The following TPH1 variants were observed in gnomAD, a reference collection of about 807,000 sequenced individuals.
TPH1 encodes tryptophan hydroxylase 1.
A neutral mutation model predicts 49.5 loss-of-function variants in TPH1; 37 were observed. The ratio of observed to expected loss-of-function variants is 0.75; its 90% confidence interval spans 0.58 to 0.98. The LOEUF is 0.98. TPH1 is among the 50% of genes least tolerant of loss of function. TPH1 has a pLI of 0.00. For missense variants in TPH1, 487 were observed against 523.6 expected, an observed-to-expected ratio of 0.93 and a Z score of 0.68; for synonymous variants, 160 against 182.1, an observed-to-expected ratio of 0.88 and a Z score of 0.98.
At chr11:18,024,804 C>T (rs542692083) in intron 8 of TPH1, among the ~76,000 whole-genome samples, 1 of 152,166 alleles carries the variant, frequency 6.6e-6, no homozygotes, top group Admixed American at 6.5e-5. Flanking sequence ...TTTCACGCTG[C>T]CTCCCTCACT....
Position 18,019,999 on chromosome 11 carries a change from TTAGAAA to T in TPH1, c.*986_*991del. 1 of 270,048 alleles carries T rather than the reference TTAGAAA, an allele frequency of 3.7e-6. No individual in the cohort carries two copies. The highest frequency in any genetic ancestry group is 7.3e-6 in the Non-Finnish European group (1 of 137,170). The allele number at this position is 270,048 out of a possible 1,614,324, so 16.7% of individuals were successfully genotyped here. On this transcript the variant is annotated 3_prime_UTR_variant, in exon 11 of 11. Coordinates refer to ENST00000682019, the MANE Select transcript of TPH1 (RefSeq NM_004179.3). ...TCTGTTTATGGCCTCACCTTATACC[TTAGAAA>T]TAAAGTACTCAGCACTGTTTTTTCT... is the stretch of plus-strand genomic sequence containing the variant.
intron 3 of TPH1, among the ~76,000 whole-genome samples, chr11:18,033,761 G>A (rs545283517): frequency 3.8e-4 from 58 of 152,248 alleles, no homozygotes; most frequent in Non-Finnish European, 1.8e-4. Context: ...TATTTTTGCC[G>A]ATGGAAAAGA....
Position 18,023,987 on chromosome 11 carries a change from C to T in TPH1, c.931-4G>A, listed in dbSNP as rs1854393471. 1 of 1,597,670 alleles carries T rather than the reference C, an allele frequency of 6.3e-7. No individual in the cohort carries two copies. Among genetic ancestry groups the T allele is most frequent in the Middle Eastern group, 1.7e-4 (1 of 6,022 alleles). On this transcript the variant is annotated splice_region_variant and splice_polypyrimidine_tract_variant and intron_variant, in intron 8 of 10. Coordinates refer to ENST00000682019, the MANE Select transcript of TPH1 (RefSeq NM_004179.3). Reference sequence around the variant, plus strand: ...ACTCCACAGTGAAAAAGTAGCACTGCAAAAGAACATCAATATTATTCTCAC... The same window carrying T: ...ACTCCACAGTGAAAAAGTAGCACTGTAAAAGAACATCAATATTATTCTCAC...
chr11:18,040,099 ATT>A (rs1848085241), intron 2 of TPH1, among the ~76,000 whole-genome samples: 2 of 149,438 alleles, frequency 1.3e-5, no homozygotes, highest in African/African-American at 4.9e-5. Context: ...ATGATTATAT[ATT>A]GATAAAATTT....
intron 3 of TPH1, among the ~76,000 whole-genome samples, chr11:18,035,320 T>A (rs1045567662): frequency 6.6e-6 from 1 of 152,260 alleles, no homozygotes; most frequent in Non-Finnish European, 1.5e-5. Context: ...AATTGAGAGA[T>A]AATCAATTAT....
chr11:18,034,248 A>T (rs1848022287), intron 3 of TPH1, among the ~76,000 whole-genome samples: 1 of 152,192 alleles, frequency 6.6e-6, no homozygotes, highest in South Asian at 2.1e-4. Context: ...TCTGCATTTT[A>T]CAGATGAGGT....
chr11:18,023,989 A>G lies in TPH1; in HGVS notation c.931-6T>C. The G allele has an allele frequency of 6.3e-7, 1 of 1,590,064 alleles. No homozygotes were observed. Among genetic ancestry groups the G allele is most frequent in the Non-Finnish European group, 8.6e-7 (1 of 1,158,750 alleles). ...TCCACAGTGAAAAAGTAGCACTGCA[A>G]AAGAACATCAATATTATTCTCACAC... is the stretch of plus-strand genomic sequence containing the variant. On this transcript the variant is annotated splice_region_variant and splice_polypyrimidine_tract_variant and intron_variant, in intron 8 of 10. Transcript: ENST00000682019.
At chr11:18,033,222 C>T (rs1205602344) in intron 4 of TPH1, 52 bp downstream of exon 4, 3 of 1,395,810 alleles carry the variant, frequency 2.1e-6, no homozygotes, top group African/African-American at 2.8e-5. Flanking sequence ...CACTGCACTC[C>T]AGTCTGGACA....
Position 18,029,206 on chromosome 11 carries a change from T to G in TPH1, c.626A>C (p.Asp209Ala). The G allele has an allele frequency of 1.9e-6, 3 of 1,613,858 alleles. No individual in the cohort carries two copies. Among genetic ancestry groups the G allele is most frequent in the African/African-American group, 1.3e-5 (1 of 74,992 alleles). Residue 209 changes from aspartate to alanine, a missense_variant, in exon 6 of 11, where the codon GAT becomes GCT. Physicochemically the swap from Asp to Ala is moderately radical, Grantham distance 126. Transcript: ENST00000682019. Reference protein sequence around the residue: ...LLSKYCGYREDNIPQLEDVSN... With the variant: ...LLSKYCGYREANIPQLEDVSN... Reference sequence around the variant, plus strand: ...GACATCTTCCAATTGTGGGATATTATCCTCCCGATATCCACAATATTTAGA... The same window carrying G: ...GACATCTTCCAATTGTGGGATATTAGCCTCCCGATATCCACAATATTTAGA...
chr11:18,021,910 A>G (rs1854367840), intron 10 of TPH1, among the ~76,000 whole-genome samples: 1 of 152,194 alleles, frequency 6.6e-6, no homozygotes, highest in African/African-American at 2.4e-5. Flanking sequence ...AATCCAACTC[A>G]TAATCCACCT....
At chr11:18,036,468 A>G (rs1378154151) in intron 2 of TPH1, among the ~76,000 whole-genome samples, 1 of 152,224 alleles carries the variant, frequency 6.6e-6, no homozygotes, top group African/African-American at 2.4e-5. Context: ...ATTCTCATAA[A>G]TAAAAGCTAG....
At chr11:18,044,139 T>C (rs1848120560) in intron 1 of TPH1, among the ~76,000 whole-genome samples, 1 of 152,190 alleles carries the variant, frequency 6.6e-6, no homozygotes, top group Admixed American at 6.5e-5. Context: ...TACATTATTA[T>C]ATTAAGATGT....
Position 18,030,890 on chromosome 11 carries a change from G to A in TPH1, c.403-1311C>T, listed in dbSNP as rs987420139. On this transcript the variant is annotated intron_variant, in intron 4 of 10. Transcript: ENST00000682019. The stretch of plus-strand genomic sequence containing the variant: ...GCAGAGCATGTTGAAACTAGTTGGT[G>A]TCTGCAAATTAAAGGTCCATTAAGG... Among the ~76,000 whole-genome samples the A allele has an allele frequency of 2.2e-4, 33 of 152,188 alleles. 1 individual carries two copies. Among genetic ancestry groups the A allele is most frequent in the Non-Finnish European group, 7.3e-5 (5 of 68,050 alleles).
rs774209888 is a variant in TPH1, at chr11:18,020,017, G to A, written c.*974C>T. The A allele has an allele frequency of 8.4e-6, 2 of 236,690 alleles. No homozygotes were observed. The highest frequency in any genetic ancestry group is 1.7e-5 in the Non-Finnish European group (2 of 119,168). 14.7% of individuals were successfully genotyped at this position (236,690 alleles called of 1,614,324 possible). A position where few individuals can be genotyped will look rare whatever the true frequency, so the allele number is the denominator to read the frequency against. Reference sequence around the variant, plus strand: ...TTATACCTTAGAAATAAAGTACTCAGCACTGTTTTTTCTATCTTTTACTTT... The same window carrying A: ...TTATACCTTAGAAATAAAGTACTCAACACTGTTTTTTCTATCTTTTACTTT... On this transcript the variant is annotated 3_prime_UTR_variant, in exon 11 of 11. Transcript: ENST00000682019.
Position 18,026,514 on chromosome 11 carries a change from G to A in TPH1, c.779C>T (p.Ser260Leu). The change falls in exon 7 of 11, where the codon TCA (serine) becomes TTA (leucine). Residue 260 changes from serine to leucine, a missense_variant. Transcript: ENST00000682019. ...FHCTQYVRHS[S>L]DPFYTPEPDT... ...CGGCTCTGGGGTATAGAAGGGATCTGAACTGTGTCTCACATATTGAGTGCA... is the reference window on the plus strand; with the variant it reads ...CGGCTCTGGGGTATAGAAGGGATCTAAACTGTGTCTCACATATTGAGTGCA... 6.2e-7 allele frequency: 1 copy of A among 1,612,224 alleles called. No homozygotes were observed. The highest frequency in any genetic ancestry group is 8.5e-7 in the Non-Finnish European group (1 of 1,179,034).
chr11:18,032,420 T>G (rs1847999027), intron 4 of TPH1, among the ~76,000 whole-genome samples: 1 of 152,090 alleles, frequency 6.6e-6, no homozygotes, highest in East Asian at 1.9e-4. Flanking sequence ...TGAATAGCTC[T>G]TAATAATAGG....
Position 18,045,482 on chromosome 11 carries a change from C to CCT in TPH1, c.-27+758_-27+759insAG, listed in dbSNP as rs1296740991. ...ATTGATATTAGAATTCCACCCCCCCCTTTTTTTTTTAACTAACAGGCACAA... is the reference window on the plus strand; with the variant it reads ...ATTGATATTAGAATTCCACCCCCCCCCTTTTTTTTTTTAACTAACAGGCACAA... On this transcript the variant is annotated intron_variant, in intron 1 of 10. Coordinates refer to ENST00000682019, the MANE Select transcript of TPH1 (RefSeq NM_004179.3). Among the ~76,000 whole-genome samples, 1,203 of 149,220 alleles carry CCT rather than the reference C, an allele frequency of 8.1e-3. 17 individuals are homozygous for CCT. The highest frequency in any genetic ancestry group is 0.029 in the African/African-American group (1,163 of 40,372).
Position 18,026,561 on chromosome 11 carries a change from A to G in TPH1, c.732T>C (p.Gly244=), listed in dbSNP as rs1317164092. 2 of 1,613,954 alleles carry G rather than the reference A, an allele frequency of 1.2e-6. No homozygotes were observed. Among genetic ancestry groups the G allele is most frequent in the Non-Finnish European group, 1.7e-6 (2 of 1,179,988 alleles). Residue 244 remains glycine (G), a synonymous_variant, in exon 7 of 11, where the codon GGT becomes GGC. Transcript: ENST00000682019. The part of the protein sequence containing the change: ...GYLSPRDFLS[G]LAFRVFHCTQ... ...TGCAGTGAAAAACTCGAAAGGCTAAACCTGATAAGAAATCTCTTGGTGATA... is the reference window on the plus strand; with the variant it reads ...TGCAGTGAAAAACTCGAAAGGCTAAGCCTGATAAGAAATCTCTTGGTGATA...
At chr11:18,030,679 A>G (rs1202075761) in intron 4 of TPH1, among the ~76,000 whole-genome samples, 1 of 152,166 alleles carries the variant, frequency 6.6e-6, no homozygotes, top group Non-Finnish European at 1.5e-5. Flanking sequence ...ACAGAACGGC[A>G]TGCACACTTA....
Sources: allele counts gnomAD v4.1 joint callset (sites outside exome capture counted in the v4.1 genomes callset), GRCh38; gene constraint gnomAD v4.1.1; transcripts MANE v1.5; gene names NCBI Gene and HGNC (gene_info 2026-07-23, HGNC 2026-07-21).